Variants in PKHD1 observed in about 807,000 individuals in gnomAD.
PKHD1 encodes the protein PKHD1 ciliary IPT domain containing fibrocystin/polyductin, also known as fibrocystin.
In PKHD1, 291 loss-of-function variants were observed where a neutral mutation model predicts 412.0. The observed-to-expected ratio is 0.71, with a 90% CI of 0.64 to 0.78. The LOEUF is 0.78. Ranked by LOEUF, PKHD1 falls within the 30% of genes least tolerant of loss-of-function variation. PKHD1 has a pLI of 0.00. For synonymous variants in PKHD1, 1,777 were observed against 1,821.5 expected, an observed-to-expected ratio of 0.98 and a Z score of 0.62; for missense variants, 4,825 against 4,950.7, an observed-to-expected ratio of 0.97 and a Z score of 0.76.
chr6:51,755,165 T>C (rs1214245890), intron 55 of PKHD1, among the ~76,000 whole-genome samples: 6 of 152,172 alleles, frequency 3.9e-5, no homozygotes, highest in African/African-American at 1.2e-4. Context: ...ACAGTGAAGA[T>C]ATTCGATGAC....
chr6:51,935,824 A>G (rs1787384611), intron 36 of PKHD1, among the ~76,000 whole-genome samples: 1 of 152,236 alleles, frequency 6.6e-6, no homozygotes, highest in African/African-American at 2.4e-5. Flanking sequence ...AATAAGAATT[A>G]TCAAAAATAT....
At chr6:51,662,476 T>G (rs940857188) in intron 60 of PKHD1, among the ~76,000 whole-genome samples, 1 of 151,928 alleles carries the variant, frequency 6.6e-6, no homozygotes, top group Non-Finnish European at 1.5e-5. Flanking sequence ...ATTTGTCAAT[T>G]ATGCCTCATA....
At chr6:51,767,137 T>C (rs73426053) in intron 55 of PKHD1, among the ~76,000 whole-genome samples, 28,003 of 151,984 alleles carry the variant, frequency 0.18, 3,394 homozygotes, top group African/African-American at 0.34. Flanking sequence ...ATTCTAAAAA[T>C]AATGCATGAC....
intron 35 of PKHD1, among the ~76,000 whole-genome samples, chr6:51,972,741 C>T (rs958809490): frequency 1.3e-5 from 2 of 152,172 alleles, no homozygotes; most frequent in Non-Finnish European, 2.9e-5. Flanking sequence ...CAAACACATC[C>T]GCCACACATT....
intron 29 of PKHD1, among the ~76,000 whole-genome samples, chr6:52,030,275 T>G (rs926385308): frequency 6.6e-6 from 1 of 152,216 alleles, no homozygotes; most frequent in Admixed American, 6.5e-5. Flanking sequence ...CTTTGGGTGA[T>G]TTACTTACGG....
At chr6:51,863,564 A>G (rs1002466831) in intron 48 of PKHD1, among the ~76,000 whole-genome samples, 46 of 152,310 alleles carry the variant, frequency 3.0e-4, no homozygotes, top group Middle Eastern at 3.4e-3. Flanking sequence ...ATAAAGGCAA[A>G]CTGATGATTG....
chr6:51,769,340 CTTTG>C (rs1417661200), intron 55 of PKHD1, among the ~76,000 whole-genome samples: 2 of 151,198 alleles, frequency 1.3e-5, no homozygotes, highest in Non-Finnish European at 3.0e-5. Context: ...ATTCCTTGTT[CTTTG>C]TTTTATTCTT....
At chr6:51,721,057 G>A (rs917642033) in intron 60 of PKHD1, 3 of 983,164 alleles carry the variant, frequency 3.1e-6, no homozygotes, top group Non-Finnish European at 2.4e-6. Flanking sequence ...AAGGCTCTGG[G>A]GGAACCAATT....
intron 50 of PKHD1, among the ~76,000 whole-genome samples, chr6:51,844,775 G>C (rs576077812): frequency 2.0e-5 from 3 of 152,288 alleles, no homozygotes; most frequent in Non-Finnish European, 4.4e-5. Flanking sequence ...CCAGTTGTCA[G>C]TGAAGCAGCA....
chr6:51,930,473 C>A (rs1020288879), intron 37 of PKHD1, among the ~76,000 whole-genome samples: 1 of 152,194 alleles, frequency 6.6e-6, no homozygotes, highest in African/African-American at 2.4e-5. Context: ...GCTTTCAACT[C>A]CATCTTGCCT....
At chr6:51,956,507 C>G (rs1158717020) in intron 36 of PKHD1, among the ~76,000 whole-genome samples, 1 of 152,006 alleles carries the variant, frequency 6.6e-6, no homozygotes, top group African/African-American at 2.4e-5. Flanking sequence ...AGGCACTGTT[C>G]TAGACCCTGA....
chr6:51,622,557 A>G (rs1048413567), intron 66 of PKHD1: 2 of 152,228 alleles, frequency 1.3e-5, no homozygotes, highest in Non-Finnish European at 2.9e-5. Flanking sequence ...CCATAATTAA[A>G]TACTAATGCT....
At chr6:51,837,155 C>T (rs894378633) in intron 50 of PKHD1, among the ~76,000 whole-genome samples, 1 of 152,174 alleles carries the variant, frequency 6.6e-6, no homozygotes, top group Non-Finnish European at 1.5e-5. Context: ...CTACAAGGTG[C>T]TCTCACGCCT....
chr6:51,944,442 G>T (rs1382916764), intron 36 of PKHD1, among the ~76,000 whole-genome samples: 1 of 152,132 alleles, frequency 6.6e-6, no homozygotes, highest in African/African-American at 2.4e-5. Flanking sequence ...ACTAAGATTG[G>T]TCTTTTGAGA....
Position 52,017,955 on chromosome 6 carries a change from G to T in PKHD1, c.5381-326C>A, listed in dbSNP as rs77494595. Among the ~76,000 whole-genome samples, 1,431 of 152,114 alleles carry T rather than the reference G, an allele frequency of 9.4e-3. 4 individuals are homozygous for T. The highest frequency in any genetic ancestry group is 0.014 in the Non-Finnish European group (956 of 67,998). On this transcript the variant is annotated intron_variant, in intron 33 of 66. Transcript: ENST00000371117. The stretch of plus-strand genomic sequence containing the variant: ...CCTCATTCTCAGAAATAACCACTTG[G>T]CATTTTTTAAATAGTTTTATCACAA...
At chr6:51,842,594 C>T (rs529746887) in intron 50 of PKHD1, among the ~76,000 whole-genome samples, 1 of 152,276 alleles carries the variant, frequency 6.6e-6, no homozygotes, top group East Asian at 1.9e-4. Flanking sequence ...CAACCTCCCC[C>T]CGCCTCCCTC....
chr6:51,675,822 C>T (rs927473012), intron 60 of PKHD1, among the ~76,000 whole-genome samples: 2 of 152,128 alleles, frequency 1.3e-5, no homozygotes, highest in African/African-American at 4.8e-5. Flanking sequence ...ATTGCATACA[C>T]GATGGACAAG....
chr6:51,888,780 A>G (rs1468860941), intron 43 of PKHD1, among the ~76,000 whole-genome samples: 1 of 150,272 alleles, frequency 6.7e-6, no homozygotes, highest in Non-Finnish European at 1.5e-5. Context: ...CCTGAATCAC[A>G]TCTGAGTTCT....
rs1421801495 is a variant in PKHD1, at chr6:51,744,458, G to C, written c.10083C>G (p.Ala3361=). Residue 3361 remains alanine (A), a synonymous_variant, in exon 60 of 67, where the codon GCC becomes GCG. Transcript: ENST00000371117. ...CAGAAACTGGTGGAGGCAGACCCAGGGCTCTCCCATCCAGATCCTTGAAGA... is the reference window on the plus strand; with the variant it reads ...CAGAAACTGGTGGAGGCAGACCCAGCGCTCTCCCATCCAGATCCTTGAAGA... ...KYLFKDLDGR[A]LGLPPPVSVF... is the part of the protein sequence containing the mutation. 1.9e-6 allele frequency: 3 copies of C among 1,612,896 alleles called. No homozygotes were observed. Among genetic ancestry groups the C allele is most frequent in the Non-Finnish European group, 2.5e-6 (3 of 1,179,118 alleles).
Sources: gnomAD v4.1 joint callset for allele counts (sites outside exome capture counted in the v4.1 genomes callset) on GRCh38, gnomAD v4.1.1 for gene constraint, MANE v1.5 for transcripts, NCBI Gene and HGNC (gene_info 2026-07-23, HGNC 2026-07-21) for gene names.